PPFIBP2: variants seen among roughly 807,000 people sequenced by gnomAD.
PPFIBP2 encodes the protein liprin-beta-2.
In PPFIBP2, 118 loss-of-function variants were observed where a neutral mutation model predicts 118.3. The ratio of observed to expected loss-of-function variants is 1.00; its 90% CI spans 0.86 to 1.16. The LOEUF (loss-of-function observed/expected upper bound fraction) is 1.16. Among genes scored for constraint, PPFIBP2 ranks in the 50% most tolerant of loss-of-function variants. The probability of loss-of-function intolerance (pLI) is 0.00; values close to 1 mark genes in which losing one functional copy is unlikely to be tolerated. For synonymous variants in PPFIBP2, 414 were observed against 397.4 expected (o/e 1.04, Z -0.50); for missense variants, 1,195 against 1,073.1 (o/e 1.11, Z -1.59).
intron 4 of PPFIBP2, among the ~76,000 whole-genome samples, chr11:7,595,512 T>G (rs1860120200): frequency 6.6e-6 from 1 of 152,228 alleles, no homozygotes; most frequent in Non-Finnish European, 1.5e-5. Context: ...AATTCTTGAA[T>G]AATCCCCATT....
At chr11:7,589,150 G>A (rs1364587485) in intron 3 of PPFIBP2, among the ~76,000 whole-genome samples, 2 of 152,188 alleles carry the variant, frequency 1.3e-5, no homozygotes, top group African/African-American at 4.8e-5. Flanking sequence ...CCATTGGCAG[G>A]TCTAGCCTAG....
chr11:7,529,303 C>T (rs77374272), intron 1 of PPFIBP2, among the ~76,000 whole-genome samples: 2 of 152,284 alleles, frequency 1.3e-5, no homozygotes, highest in East Asian at 3.9e-4. Context: ...CAAGTGACAG[C>T]TGAATGGGAA....
intron 5 of PPFIBP2, among the ~76,000 whole-genome samples, chr11:7,599,163 A>C (rs1860946664): frequency 6.6e-6 from 1 of 152,108 alleles, no homozygotes; most frequent in South Asian, 2.1e-4. Context: ...CTGATGGAAA[A>C]AAATCTCAAA....
intron 5 of PPFIBP2, among the ~76,000 whole-genome samples, chr11:7,609,502 C>T (rs1357253749): frequency 1.3e-5 from 2 of 152,310 alleles, no homozygotes; most frequent in East Asian, 3.9e-4. Context: ...CATATTACTT[C>T]TAAGTGGGTG....
intron 3 of PPFIBP2, among the ~76,000 whole-genome samples, chr11:7,573,705 G>A (rs1014998017): frequency 2.0e-5 from 3 of 152,120 alleles, no homozygotes; most frequent in East Asian, 1.9e-4. Flanking sequence ...CCCTTCCCCC[G>A]CCTCCCCTTC....
the PPFIBP2 span, chr11:7,666,788 G>A: frequency 7.7e-6 from 3 of 388,780 alleles, no homozygotes; most frequent in African/African-American, 6.2e-5. Context: ...GGTTCCCATG[G>A]AGCTGCAGTG....
Position 7,593,160 on chromosome 11 carries a change from G to C in PPFIBP2, c.308G>C (p.Ser103Thr). 6.2e-7 allele frequency: 1 copy of C among 1,614,044 alleles called. No homozygotes were observed. The highest frequency in any genetic ancestry group is 1.3e-5 in the African/African-American group (1 of 75,022). Residue 103 changes from serine to threonine, a missense_variant, in exon 4 of 24, where the codon AGT becomes ACT. By Grantham distance (58) the Ser-to-Thr change is moderately conservative. Coordinates refer to ENST00000299492, the MANE Select transcript of PPFIBP2 (RefSeq NM_003621.5). ...CAGGTAAACCACCACAGTGCTGCTA[G>C]TAATGAAACCTACCAGGAACGCTTG... ...LSQVNHHSAA[S>T]NETYQERLAR...
At chr11:7,630,700 G>T (rs964246561) in intron 10 of PPFIBP2, among the ~76,000 whole-genome samples, 6 of 148,582 alleles carry the variant, frequency 4.0e-5, no homozygotes, top group Admixed American at 1.3e-4. Flanking sequence ...GGAGGCAGGG[G>T]TACATTACCT....
At chr11:7,535,710 CGTT>C (rs1239356746) in intron 1 of PPFIBP2, among the ~76,000 whole-genome samples, 2 of 152,184 alleles carry the variant, frequency 1.3e-5, no homozygotes, top group Non-Finnish European at 2.9e-5. Context: ...CCAGCTCATG[CGTT>C]CAGACTGCTG....
chr11:7,549,393 A>G (rs1302348818), intron 1 of PPFIBP2, 47 bp from the exon 2 acceptor site: 49 of 1,510,760 alleles, frequency 3.2e-5, no homozygotes, highest in Non-Finnish European at 4.0e-5. Context: ...TGTGCGTAAC[A>G]TGGAACTCTC....
chr11:7,609,884 A>C (rs1476917161), intron 5 of PPFIBP2, among the ~76,000 whole-genome samples: 2 of 152,222 alleles, frequency 1.3e-5, no homozygotes, highest in Non-Finnish European at 2.9e-5. Flanking sequence ...TTGAGCCCAG[A>C]AAGTGATCTA....
At chr11:7,525,190 G>A (rs890949194) in intron 1 of PPFIBP2, among the ~76,000 whole-genome samples, 2 of 152,176 alleles carry the variant, frequency 1.3e-5, no homozygotes, top group Non-Finnish European at 1.5e-5. Flanking sequence ...GCTCTAGAGT[G>A]GAGGGTTTGA....
At chr11:7,617,312 G>C in intron 6 of PPFIBP2, 1 of 985,262 alleles carries the variant, frequency 1.0e-6, no homozygotes, top group African/African-American at 1.7e-5. Flanking sequence ...CCACACTTAA[G>C]TATATCAGAG....
At chr11:7,570,743 G>A (rs927183291) in intron 3 of PPFIBP2, among the ~76,000 whole-genome samples, 8 of 152,182 alleles carry the variant, frequency 5.3e-5, no homozygotes, top group African/African-American at 1.7e-4. Flanking sequence ...CAGGGTGAGG[G>A]AGTATGGAAG....
intron 2 of PPFIBP2, among the ~76,000 whole-genome samples, chr11:7,552,042 G>GCTC (rs1458398475): frequency 6.6e-6 from 1 of 152,196 alleles, no homozygotes; most frequent in Admixed American, 6.5e-5. Context: ...ATCTAGAAGG[G>GCTC]CTCCTGGGCT....
intron 1 of PPFIBP2, among the ~76,000 whole-genome samples, chr11:7,544,215 C>T (rs565664461): frequency 2.4e-4 from 36 of 152,320 alleles, no homozygotes; most frequent in African/African-American, 8.2e-4. Context: ...GACAGTGTCT[C>T]AGTATCAGAA....
downstream of PPFIBP2, chr11:7,653,913 G>A: frequency 1.4e-6 from 1 of 731,646 alleles, no homozygotes; most frequent in Non-Finnish European, 1.9e-6. Flanking sequence ...GTAGAGCAAG[G>A]CGGGACCCCC....
rs1458406610 is a variant in PPFIBP2, at chr11:7,549,486, A to T, written c.11A>T (p.Asp4Val). Residue 4 changes from aspartate to valine, a missense_variant, in exon 2 of 24, where the codon GAT (aspartate) becomes GTT (valine). By Grantham distance (152) the Asp-to-Val change is radical (BLOSUM62 -3). Coordinates refer to ENST00000299492, the MANE Select transcript of PPFIBP2 (RefSeq NM_003621.5). Reference protein sequence around the residue: MASDASHALEAALE... With the variant: MASVASHALEAALE... ...CAGGCAAAAGGAGTCATGGCTTCTGATGCTAGTCATGCGCTGGAAGCTGCC... is the reference window on the plus strand; with the variant it reads ...CAGGCAAAAGGAGTCATGGCTTCTGTTGCTAGTCATGCGCTGGAAGCTGCC... 1 of 1,561,480 alleles carries T rather than the reference A, an allele frequency of 6.4e-7. No individual in the cohort carries two copies. Among genetic ancestry groups the T allele is most frequent in the African/African-American group, 1.4e-5 (1 of 73,390 alleles).
the PPFIBP2 span, chr11:7,666,601 C>A: frequency 7.3e-7 from 1 of 1,366,768 alleles, no homozygotes; most frequent in Non-Finnish European, 1.0e-6. Flanking sequence ...TCCTCTTGTT[C>A]CCTGGACTGA....
Sources: allele counts gnomAD v4.1 joint callset (sites outside exome capture counted in the v4.1 genomes callset), GRCh38; gene constraint gnomAD v4.1.1; transcripts MANE v1.5; gene names NCBI Gene and HGNC (gene_info 2026-07-23, HGNC 2026-07-21).